Variants in EHD3 observed in about 807,000 individuals in gnomAD.
The protein encoded by EHD3 is EH domain-containing protein 3.
A neutral mutation model predicts 43.0 loss-of-function variants in EHD3; 17 were observed. That is an observed-to-expected ratio of 0.40 (90% CI 0.27 to 0.59). The LOEUF (loss-of-function observed/expected upper bound fraction) is 0.59, where lower values mean the gene tolerates loss of function less well. EHD3 is among the 20% of genes least tolerant of loss of function. The pLI, the probability that EHD3 is intolerant of heterozygous loss-of-function variation, is 0.49. For missense variants in EHD3, 594 were observed against 705.6 expected (o/e 0.84, Z 1.79); for synonymous variants, 313 against 289.5 (o/e 1.08, Z -0.82).
intron 5 of EHD3, among the ~76,000 whole-genome samples, 196 bp downstream of exon 5, chr2:31,261,909 G>T (rs1482957122): frequency 2.0e-5 from 3 of 152,204 alleles, no homozygotes; most frequent in African/African-American, 7.2e-5. Flanking sequence ...TGGGCCTGGG[G>T]AGAAACACGG....
At position 31,234,685 on chromosome 2, in the gene EHD3, A is replaced by G; in HGVS notation, c.64A>G (p.Ser22Gly). 6.2e-7 allele frequency: 1 copy of G among 1,614,168 alleles called. No homozygotes were observed. Among genetic ancestry groups the G allele is most frequent in the Non-Finnish European group, 8.5e-7 (1 of 1,180,022 alleles). The change falls in exon 1 of 6, where the codon AGT becomes GGT. Residue 22 changes from serine to glycine, a missense_variant. This residue lies in a region of EHD3 where 243 missense variants were observed against 296.7 expected (regional missense o/e 0.82). Coordinates refer to ENST00000322054, the MANE Select transcript of EHD3 (RefSeq NM_014600.3). Reference sequence around the variant, plus strand: ...GGACCCCGAGGTTTTCCAGACGGTGAGTGAGGGGCTCAAGAAACTCTACAA... The same window carrying G: ...GGACCCCGAGGTTTTCCAGACGGTGGGTGAGGGGCTCAAGAAACTCTACAA... ...RKDPEVFQTV[S>G]EGLKKLYKSK...
At chr2:31,249,560 AT>A in intron 3 of EHD3, 92 bp downstream of exon 3, 2 of 1,153,742 alleles carry the variant, frequency 1.7e-6, no homozygotes, top group South Asian at 1.4e-5. Flanking sequence ...ACCCAGGGCC[AT>A]GCTGTCCCTT....
At chr2:31,263,358 A>G (rs1683888923) in intron 5 of EHD3, among the ~76,000 whole-genome samples, 1 of 152,242 alleles carries the variant, frequency 6.6e-6, no homozygotes, top group East Asian at 1.9e-4. Flanking sequence ...TTCAAAACAA[A>G]GATTCTCACC....
rs547125375 is a variant in EHD3, at chr2:31,267,065, C to G, written c.*361C>G. 4.3e-6 allele frequency: 1 copy of G among 234,952 alleles called. No homozygotes were observed. Among genetic ancestry groups the G allele is most frequent in the Non-Finnish European group, 8.3e-6 (1 of 121,206 alleles). 14.6% of individuals were successfully genotyped at this position (234,952 alleles called of 1,614,324 possible). A position where few individuals can be genotyped will look rare whatever the true frequency, so the allele number is the denominator to read the frequency against. On this transcript the variant is annotated 3_prime_UTR_variant, in exon 6 of 6. Transcript: ENST00000322054. Reference sequence around the variant, plus strand: ...CCAGATTCCCCAGTGCTTCCACACCCGGGCTCTGAGCAAATGGAAAAGACT... The same window carrying G: ...CCAGATTCCCCAGTGCTTCCACACCGGGGCTCTGAGCAAATGGAAAAGACT...
At chr2:31,252,869 CTG>C (rs1683664681) in intron 3 of EHD3, among the ~76,000 whole-genome samples, 1 of 152,190 alleles carries the variant, frequency 6.6e-6, no homozygotes, top group Non-Finnish European at 1.5e-5. Context: ...TGAGTCCAGA[CTG>C]TAAATGCAGC....
intron 1 of EHD3, among the ~76,000 whole-genome samples, chr2:31,241,786 C>T (rs1683429561): frequency 6.6e-6 from 1 of 152,230 alleles, no homozygotes; most frequent in South Asian, 2.1e-4. Context: ...CTGAGATTCA[C>T]AGCTTCTCCC....
In EHD3 at chr2:31,244,414, G is replaced by T; in HGVS notation, c.368G>T (p.Arg123Met). 1 of 1,614,172 alleles carries T rather than the reference G, an allele frequency of 6.2e-7. No individual in the cohort carries two copies. Among genetic ancestry groups the T allele is most frequent in the Non-Finnish European group, 8.5e-7 (1 of 1,180,034 alleles). ...GTGGTGGATCCCAAGAAACCCTTCA[G>T]GAAACTCAACGCCTTTGGCAACGCC... is the stretch of plus-strand genomic sequence containing the variant. Reference protein sequence around the residue: ...ALVVDPKKPFRKLNAFGNAFL... With the variant: ...ALVVDPKKPFMKLNAFGNAFL... The change falls in exon 2 of 6, where the codon AGG becomes ATG. Residue 123 changes from arginine (R) to methionine (M), a missense_variant. Physicochemically the swap from Arg to Met is moderately conservative, Grantham distance 91. Around this residue, in one of 3 missense-constraint regions of EHD3, gnomAD observed 243 missense variants for 296.7 expected, o/e 0.82. Transcript: ENST00000322054.
chr2:31,248,636 G>C (rs1301573244), intron 2 of EHD3, among the ~76,000 whole-genome samples: 2 of 152,192 alleles, frequency 1.3e-5, no homozygotes, highest in African/African-American at 4.8e-5. Flanking sequence ...TCTGGGGCTG[G>C]GGCTGGGATT....
chr2:31,243,753 CAG>C (rs1683469347), intron 1 of EHD3, among the ~76,000 whole-genome samples: 1 of 151,964 alleles, frequency 6.6e-6, no homozygotes, highest in South Asian at 2.1e-4. Context: ...CGCGCCTGGC[CAG>C]AGATTCATTT....
intron 1 of EHD3, among the ~76,000 whole-genome samples, chr2:31,243,423 T>A (rs1683456977): frequency 1.1e-5 from 1 of 94,494 alleles, no homozygotes; most frequent in Non-Finnish European, 1.9e-5. Context: ...GATTCATTTT[T>A]CTTTCTTTCT....
chr2:31,243,440 C>CTTTTTTTTTTTTTTT (rs1683457939), intron 1 of EHD3, among the ~76,000 whole-genome samples: 1 of 87,690 alleles, frequency 1.1e-5, no homozygotes, highest in Admixed American at 1.4e-4. Context: ...TTCTTTCTTT[C>CTTTTTTTTTTTTTTT]TTTCTTTCTT....
At chr2:31,251,490 C>G (rs1683635584) in intron 3 of EHD3, among the ~76,000 whole-genome samples, 1 of 152,172 alleles carries the variant, frequency 6.6e-6, no homozygotes, top group Non-Finnish European at 1.5e-5. Context: ...CTTACCACCT[C>G]TTGCTTTGCT....
Position 31,261,593 on chromosome 2 carries a change from G to A in EHD3, c.960G>A (p.Ser320=), listed in dbSNP as rs147512206. 4.8e-5 allele frequency: 77 copies of A among 1,614,168 alleles called. 1 individual carries two copies. The highest frequency in any genetic ancestry group is 1.2e-4 in the South Asian group (11 of 91,084). ...IISSLKKEMP[S]VFGKDNKKKE... is the part of the protein sequence containing the mutation. ...GCTCTCTGAAGAAGGAGATGCCCTC[G>A]GTGTTCGGGAAGGACAACAAGAAGA... The change falls in exon 5 of 6, where the codon TCG becomes TCA. Residue 320 remains serine, a synonymous_variant. Transcript: ENST00000322054.
chr2:31,234,825 C>T lies in EHD3; in HGVS notation c.204C>T (p.Ser68=). 6.2e-7 allele frequency: 1 copy of T among 1,614,182 alleles called. No homozygotes were observed. The highest frequency in any genetic ancestry group is 8.5e-7 in the Non-Finnish European group (1 of 1,180,036). ...TGGTTCTGCTGGTGGGCCAGTACTC[C>T]ACTGGGAAGACCACCTTCATCAGGT... ...KPMVLLVGQY[S]TGKTTFIRYL... The change falls in exon 1 of 6, where the codon TCC becomes TCT. Residue 68 remains serine (S), a synonymous_variant. Coordinates refer to ENST00000322054, the MANE Select transcript of EHD3 (RefSeq NM_014600.3).
At chr2:31,245,702 C>T (rs1683508259) in intron 2 of EHD3, among the ~76,000 whole-genome samples, 1 of 146,078 alleles carries the variant, frequency 6.8e-6, no homozygotes. Flanking sequence ...GCTGGGATTA[C>T]AGGCATGTGC....
chr2:31,249,580 G>T, intron 3 of EHD3, 112 bp downstream of exon 3: 1 of 942,114 alleles, frequency 1.1e-6, no homozygotes, highest in Non-Finnish European at 1.6e-6. Flanking sequence ...TTGGTGAGCC[G>T]GCACTTCTCC....
intron 1 of EHD3, among the ~76,000 whole-genome samples, chr2:31,238,698 C>T (rs1167392105): frequency 1.3e-5 from 2 of 152,218 alleles, no homozygotes; most frequent in African/African-American, 4.8e-5. Flanking sequence ...CTTCCTTGGA[C>T]CATCTGGCCC....
At position 31,268,134 on chromosome 2, in the gene EHD3, G is replaced by A. The variant is rs1683990495; in HGVS notation, c.*1430G>A. On this transcript the variant is annotated 3_prime_UTR_variant, in exon 6 of 6. Coordinates refer to ENST00000322054, the MANE Select transcript of EHD3 (RefSeq NM_014600.3). ...TCCCCAGAGGGTCCCCAGGGACTCT[G>A]CAGTGTCCTTGGCAAATCCCCACTG... is the stretch of plus-strand genomic sequence containing the variant. 6.6e-6 allele frequency: 1 copy of A among 152,662 alleles called. No homozygotes were observed. The highest frequency in any genetic ancestry group is 2.1e-4 in the South Asian group (1 of 4,830). The allele number at this position is 152,662 out of a possible 1,614,324, so 9.5% of individuals were successfully genotyped here. A position where few individuals can be genotyped will look rare whatever the true frequency, so the allele number is the denominator to read the frequency against.
intron 1 of EHD3, among the ~76,000 whole-genome samples, chr2:31,243,460 C>CTTTCTTTCTTTTTTTTTTTTTT (rs1553402472): frequency 1.0e-5 from 1 of 98,466 alleles, no homozygotes; most frequent in African/African-American, 4.6e-5. Context: ...TTCTTTCTTT[C>CTTTCTTTCTTTTTTTTTTTTTT]TTTTTTTTTT....
Sources: gnomAD v4.1 joint callset for allele counts (sites outside exome capture counted in the v4.1 genomes callset) on GRCh38, gnomAD v4.1.1 for gene constraint, gnomAD v4.1.1 regional missense constraint, MANE v1.5 for transcripts, NCBI Gene and HGNC (gene_info 2026-07-23, HGNC 2026-07-21) for gene names.